Variants in DPH1 observed in about 807,000 individuals in gnomAD.
The protein encoded by DPH1 is diphthamide biosynthesis 1.
Under a neutral mutation model 55.3 loss-of-function variants are expected in DPH1, and 59 were observed. The ratio of observed to expected loss-of-function variants is 1.07; its 90% confidence interval spans 0.87 to 1.33. DPH1 has a LOEUF of 1.33. DPH1 is among the 40% of genes most tolerant of loss of function. DPH1 has a pLI of 0.00. For synonymous variants in DPH1, 238 were observed against 235.5 expected (o/e 1.01, Z -0.10); for missense variants, 628 against 584.8 (o/e 1.07, Z -0.76).
Position 2,036,502 on chromosome 17 carries a change from C to T in DPH1, c.401-27C>T, listed in dbSNP as rs1476083987. On this transcript the variant is annotated intron_variant, in intron 4 of 12. Coordinates refer to ENST00000263083, the MANE Select transcript of DPH1 (RefSeq NM_001383.6). This position sits in a 1 kb window ranked among gnomAD's most constrained non-coding sequence, Gnocchi z 4.8. ...CCTCTGCTGCTCCTGCCTTCCCAAA[C>T]AGCCCCTGAACTCCTCCCTCCCACA... 4.3e-6 allele frequency: 7 copies of T among 1,610,758 alleles called. No individual in the cohort carries two copies. The highest frequency in any genetic ancestry group is 4.2e-6 in the Non-Finnish European group (5 of 1,177,836).
Position 2,033,681 on chromosome 17 carries a change from G to C in DPH1, c.214+24G>C, listed in dbSNP as rs202223149. 3.5e-5 allele frequency: 56 copies of C among 1,613,748 alleles called. No homozygotes were observed. The East Asian group carries it at 9.8e-4, about 28-fold the overall frequency. On this transcript the variant is annotated intron_variant, in intron 2 of 12. Coordinates refer to ENST00000263083, the MANE Select transcript of DPH1 (RefSeq NM_001383.6). ...GGGTGAGCCTGTGATCATTGAGCTG[G>C]GGTTGGGGTGGAGAGGTTGCCTGGC...
intron 3 of DPH1, 41 bp downstream of exon 3, chr17:2,033,883 C>A: frequency 1.9e-6 from 3 of 1,609,514 alleles, no homozygotes; most frequent in Non-Finnish European, 2.5e-6. Context: ...AGCCAGGCTT[C>A]CCCCACCCCC....
At chr17:2,030,649 G>A (rs2067318646) in intron 1 of DPH1, among the ~76,000 whole-genome samples, 1 of 152,220 alleles carries the variant, frequency 6.6e-6, no homozygotes, top group Middle Eastern at 3.2e-3. Context: ...TGCGCTGGGT[G>A]CAGGTACTAG....
rs963611584 is a variant in DPH1, at chr17:2,042,693, C to T, written c.*107C>T. ...TCTCCGCATTGGAAGAGCCCGCCGT[C>T]TGCAGGGGCCTGGAGGAATCACTGG... On this transcript the variant is annotated 3_prime_UTR_variant, in exon 13 of 13. Coordinates refer to ENST00000263083, the MANE Select transcript of DPH1 (RefSeq NM_001383.6). 3.9e-6 allele frequency: 6 copies of T among 1,533,128 alleles called. No homozygotes were observed. The highest frequency in any genetic ancestry group is 5.2e-6 in the Non-Finnish European group (6 of 1,143,980). 95.0% of individuals were successfully genotyped at this position (1,533,128 alleles called of 1,614,324 possible).
rs371361809 is a variant in DPH1, at chr17:2,036,998, G to A, written c.680+42G>A. ...GGCCAAGTAAGTCCTAGAGACATGCGTGTACCCTGGGAGGGAGCCTGAGGT... is the reference window on the plus strand; with the variant it reads ...GGCCAAGTAAGTCCTAGAGACATGCATGTACCCTGGGAGGGAGCCTGAGGT... On this transcript the variant is annotated intron_variant, in intron 6 of 12. Coordinates refer to ENST00000263083, the MANE Select transcript of DPH1 (RefSeq NM_001383.6). This position sits in a 1 kb window ranked among gnomAD's most constrained non-coding sequence, Gnocchi z 4.8. 1.7e-5 allele frequency: 27 copies of A among 1,589,562 alleles called. No homozygotes were observed. Among genetic ancestry groups the A allele is most frequent in the East Asian group, 9.0e-5 (4 of 44,658 alleles).
At chr17:2,041,916 T>C in intron 12 of DPH1, 41 bp downstream of exon 12, 1 of 1,541,160 alleles carries the variant, frequency 6.5e-7, no homozygotes, top group Non-Finnish European at 8.7e-7. Context: ...CTTTTGCCGT[T>C]GTCATGGGAA....
chr17:2,036,327 G>A lies in DPH1; in HGVS notation c.401-202G>A, dbSNP rs2067423974. 9.6e-7 allele frequency: 1 copy of A among 1,044,248 alleles called. No homozygotes were observed. Among genetic ancestry groups the A allele is most frequent in the Non-Finnish European group, 1.4e-6 (1 of 740,434 alleles). 64.7% of individuals were successfully genotyped at this position (1,044,248 alleles called of 1,614,324 possible). The stretch of plus-strand genomic sequence containing the variant: ...TGTTTGAAAGGCTGTTGGTTGTAGA[G>A]CAGGCTGGGCCCCGGCCGGGTGACA... On this transcript the variant is annotated intron_variant, in intron 4 of 12. Transcript: ENST00000263083. This position sits in a 1 kb window ranked among gnomAD's most constrained non-coding sequence, Gnocchi z 4.8.
rs200430646 is a variant in DPH1, at chr17:2,043,048, G to C, written c.*462G>C. 1 of 1,613,986 alleles carries C rather than the reference G, an allele frequency of 6.2e-7. No individual in the cohort carries two copies. Among genetic ancestry groups the C allele is most frequent in the South Asian group, 1.1e-5 (1 of 91,078 alleles). On this transcript the variant is annotated 3_prime_UTR_variant, in exon 13 of 13. Transcript: ENST00000263083. ...CCACTCTGGTGGCCACTTCATTCCA[G>C]CAGCTGCACCCCAGCGTCAGGCCTA...
intron 6 of DPH1, chr17:2,039,545 G>A: frequency 3.8e-6 from 2 of 529,838 alleles, no homozygotes; most frequent in South Asian, 2.0e-5. Context: ...ACCCAGCTAA[G>A]TTTTTGTATT....
chr17:2,043,359 A>C lies in DPH1; in HGVS notation c.*773A>C. 1 of 458,508 alleles carries C rather than the reference A, an allele frequency of 2.2e-6. No individual in the cohort carries two copies. The highest frequency in any genetic ancestry group is 3.8e-6 in the Non-Finnish European group (1 of 260,440). 28.4% of individuals were successfully genotyped at this position (458,508 alleles called of 1,614,324 possible). A position where few individuals can be genotyped will look rare whatever the true frequency, so the allele number is the denominator to read the frequency against. On this transcript the variant is annotated 3_prime_UTR_variant, in exon 13 of 13. Coordinates refer to ENST00000263083, the MANE Select transcript of DPH1 (RefSeq NM_001383.6). ...TATGGTTGGAGAGCCCTGGATTAGG[A>C]GGGTGACATGGGGAAGGCAGAGGCT...
intron 12 of DPH1, chr17:2,042,261 TCA>T (rs768434519): frequency 4.8e-5 from 68 of 1,403,570 alleles, no homozygotes; most frequent in Middle Eastern, 3.7e-4. Flanking sequence ...GGAAACGCAC[TCA>T]GTTTCCTCCA....
At position 2,042,661 on chromosome 17, in the gene DPH1, G is replaced by T; in HGVS notation, c.*75G>T. 6.6e-7 allele frequency: 1 copy of T among 1,524,380 alleles called. No homozygotes were observed. The highest frequency in any genetic ancestry group is 8.8e-7 in the Non-Finnish European group (1 of 1,139,606). The allele number at this position is 1,524,380 out of a possible 1,614,324, so 94.4% of individuals were successfully genotyped here. A position where few individuals can be genotyped will look rare whatever the true frequency, so the allele number is the denominator to read the frequency against. On this transcript the variant is annotated 3_prime_UTR_variant, in exon 13 of 13. Coordinates refer to ENST00000263083, the MANE Select transcript of DPH1 (RefSeq NM_001383.6). ...CTGGTGGTTTTCAGAGCAGGAGGCC[G>T]ACGTTTTCTCCGCATTGGAAGAGCC...
rs776386675 is a variant in DPH1 at position 2,039,827 on chromosome 17, T to C, written c.749+4T>C. The C allele has an allele frequency of 9.9e-6, 16 of 1,613,394 alleles. No homozygotes were observed. The highest frequency in any genetic ancestry group is 1.3e-5 in the Non-Finnish European group (15 of 1,179,538). On this transcript the variant is annotated splice_donor_region_variant and intron_variant, in intron 7 of 12. Coordinates refer to ENST00000263083, the MANE Select transcript of DPH1 (RefSeq NM_001383.6). ...ACCCCAATGTCCCCGCTTACCGGTA[T>C]GGGCTGGGCCGGGCTGGGCTGACCA...
At chr17:2,034,123 G>A (rs1567542990) in intron 3 of DPH1, among the ~76,000 whole-genome samples, 1 of 152,014 alleles carries the variant, frequency 6.6e-6, no homozygotes, top group Admixed American at 6.6e-5. Flanking sequence ...CCCAGAGCAG[G>A]TGGTAGGACC....
intron 1 of DPH1, among the ~76,000 whole-genome samples, chr17:2,031,331 C>T (rs745593898): frequency 3.9e-5 from 6 of 151,968 alleles, no homozygotes; most frequent in Non-Finnish European, 7.4e-5. Context: ...GAGGCTGAGG[C>T]GGGCGGATTA....
chr17:2,038,147 CAAAAAAAAAAAAAAAA>C (rs201391773), intron 6 of DPH1, among the ~76,000 whole-genome samples: 56,150 of 110,824 alleles, frequency 0.51, 11,313 homozygotes, highest in Admixed American at 0.56. Context: ...CTGTTCTCTC[CAAAAAAAAAAAAAAAA>C]AAAAAAAAAA....
chr17:2,043,301 A>T lies in DPH1; in HGVS notation c.*715A>T. ...AAGAAAAGGGGAGCACAAGGCCTTA[A>T]TGGACATTGACTTGTGAAAACGCAA... On this transcript the variant is annotated 3_prime_UTR_variant, in exon 13 of 13. Coordinates refer to ENST00000263083, the MANE Select transcript of DPH1 (RefSeq NM_001383.6). The T allele has an allele frequency of 1.6e-6, 1 of 639,842 alleles. No homozygotes were observed. The highest frequency in any genetic ancestry group is 2.6e-6 in the Non-Finnish European group (1 of 385,964). The allele number at this position is 639,842 out of a possible 1,614,324, so 39.6% of individuals were successfully genotyped here.
intron 3 of DPH1, among the ~76,000 whole-genome samples, chr17:2,035,542 G>GA (rs2067409109): frequency 1.8e-5 from 2 of 112,572 alleles, no homozygotes; most frequent in Non-Finnish European, 4.0e-5. Flanking sequence ...GGGGGTCCCG[G>GA]CAAGAGGGAG....
At chr17:2,032,093 G>T (rs1031027772) in intron 1 of DPH1, among the ~76,000 whole-genome samples, 1 of 152,182 alleles carries the variant, frequency 6.6e-6, no homozygotes, top group African/African-American at 2.4e-5. Flanking sequence ...GAACAGTGTG[G>T]CCACAGTCAG....
Sources: gnomAD v4.1 joint callset for allele counts (sites outside exome capture counted in the v4.1 genomes callset) on GRCh38, gnomAD v4.1.1 for gene constraint, Gnocchi (gnomAD v3.1) non-coding constraint, MANE v1.5 for transcripts, NCBI Gene and HGNC (gene_info 2026-07-23, HGNC 2026-07-21) for gene names.